Variants in PTPRT observed in about 807,000 individuals in gnomAD.
PTPRT encodes protein tyrosine phosphatase receptor type T.
Under a neutral mutation model 176.8 loss-of-function variants are expected in PTPRT, and 56 were observed. That is an observed-to-expected ratio of 0.32 (90% CI 0.26 to 0.40). The LOEUF is 0.40. Among genes scored for constraint, PTPRT ranks in the 10% least tolerant of loss-of-function variants. The pLI is 1.00. For synonymous variants in PTPRT, 783 were observed against 739.0 expected (o/e 1.06, Z -0.96); for missense variants, 1,540 against 1,908.2 (o/e 0.81, Z 3.60).
intron 1 of PTPRT, among the ~76,000 whole-genome samples, chr20:43,097,471 T>A (rs1460834172): frequency 6.6e-6 from 1 of 152,328 alleles, no homozygotes; most frequent in South Asian, 2.1e-4. Context: ...CACAAGGCAC[T>A]CATTCTATGC....
At chr20:42,115,577 T>C (rs1447631336) in intron 21 of PTPRT, among the ~76,000 whole-genome samples, 1 of 152,206 alleles carries the variant, frequency 6.6e-6, no homozygotes, top group Non-Finnish European at 1.5e-5. Context: ...AACTTTCCAA[T>C]GCATTATCAC....
At chr20:42,274,974 A>G (rs902415374) in intron 13 of PTPRT, among the ~76,000 whole-genome samples, 2 of 152,196 alleles carry the variant, frequency 1.3e-5, no homozygotes, top group African/African-American at 2.4e-5. Context: ...TCATCTGTCT[A>G]TAGTATTAAC....
rs1438615180 is a variant in PTPRT at position 42,076,797 on chromosome 20, T to A, written c.*4082A>T. 3 of 201,436 alleles carry A rather than the reference T, an allele frequency of 1.5e-5. No homozygotes were observed. The highest frequency in any genetic ancestry group is 3.1e-5 in the Non-Finnish European group (3 of 98,098). The allele number at this position is 201,436 out of a possible 1,614,324, so 12.5% of individuals were successfully genotyped here. On this transcript the variant is annotated 3_prime_UTR_variant, in exon 31 of 31. Transcript: ENST00000373187. Reference sequence around the variant, plus strand: ...AACAAGGCTAAATCAGAAAGTGGAATGCAAATTTTGCATGAATTGTGAACG... The same window carrying A: ...AACAAGGCTAAATCAGAAAGTGGAAAGCAAATTTTGCATGAATTGTGAACG...
At position 42,259,445 on chromosome 20, in the gene PTPRT, G is replaced by A. The variant is rs1010392679; in HGVS notation, c.2177-10623C>T. 9.2e-5 allele frequency among the ~76,000 whole-genome samples: 14 copies of A among 152,150 alleles called. No individual in the cohort carries two copies. The East Asian group carries it at 1.2e-3, about 13-fold the overall frequency. ...GGCATATCCTTTTAAAGGTTTCACC[G>A]TTGGTGAGCTGGAAATCCATTTATA... On this transcript the variant is annotated intron_variant, in intron 13 of 30. Transcript: ENST00000373187.
intron 1 of PTPRT, among the ~76,000 whole-genome samples, chr20:42,988,717 C>G (rs1209428675): frequency 6.6e-6 from 1 of 152,166 alleles, no homozygotes; most frequent in Admixed American, 6.5e-5. Context: ...CTGGTCAGAA[C>G]CTGTGACTGG....
At chr20:42,244,654 T>C (rs2056417242) in intron 14 of PTPRT, among the ~76,000 whole-genome samples, 1 of 152,192 alleles carries the variant, frequency 6.6e-6, no homozygotes, top group Non-Finnish European at 1.5e-5. Context: ...CTTTGAGCTT[T>C]AAGGGACCAT....
chr20:42,183,413 G>A (rs1278204548), intron 16 of PTPRT, among the ~76,000 whole-genome samples: 1 of 152,136 alleles, frequency 6.6e-6, no homozygotes, highest in African/African-American at 2.4e-5. Flanking sequence ...CATTACTGAT[G>A]TCTTTTGGAC....
At chr20:42,124,460 G>A (rs1987751906) in intron 19 of PTPRT, among the ~76,000 whole-genome samples, 1 of 152,210 alleles carries the variant, frequency 6.6e-6, no homozygotes, top group African/African-American at 2.4e-5. Flanking sequence ...TTTCGGGTGT[G>A]CAAACAAACC....
intron 27 of PTPRT, among the ~76,000 whole-genome samples, chr20:42,090,471 G>C (rs1159343750): frequency 6.6e-6 from 1 of 151,964 alleles, no homozygotes; most frequent in East Asian, 1.9e-4. Context: ...AAGCAGTGAG[G>C]TATAAAAGGC....
rs116472355 is a variant in PTPRT, at chr20:43,159,363, G to A, written c.88+30283C>T. Among the ~76,000 whole-genome samples, 1,429 of 152,306 alleles carry A rather than the reference G, an allele frequency of 9.4e-3. 26 individuals are homozygous for A. The highest frequency in any genetic ancestry group is 0.033 in the African/African-American group (1,354 of 41,552). The stretch of plus-strand genomic sequence containing the variant: ...GGTAAGGCCCAAAGGATGTGGACAG[G>A]GCACACACTGGCACCTGCTGCAGAG... On this transcript the variant is annotated intron_variant, in intron 1 of 30. Coordinates refer to ENST00000373187, the MANE Select transcript of PTPRT (RefSeq NM_007050.6).
rs183671665 is a variant in PTPRT, at chr20:42,156,920, G to T, written c.2682+4432C>A. Among the ~76,000 whole-genome samples, 73 of 152,300 alleles carry T rather than the reference G, an allele frequency of 4.8e-4. 1 individual carries two copies. The highest frequency in any genetic ancestry group is 1.6e-3 in the African/African-American group (68 of 41,566). ...AACACAGTAGCTAGAAGGAAGTAAG[G>T]TCAGATCATTAGCACTTGTCTTCTC... On this transcript the variant is annotated intron_variant, in intron 17 of 30. Coordinates refer to ENST00000373187, the MANE Select transcript of PTPRT (RefSeq NM_007050.6).
At chr20:42,038,495 G>T in the PTPRT span, among the ~76,000 whole-genome samples, 1 of 152,184 alleles carries the variant, frequency 6.6e-6, no homozygotes, top group Non-Finnish European at 1.5e-5. Flanking sequence ...GAGCAGAGTG[G>T]ACTAGGGAAG....
At chr20:42,125,733 C>T (rs1156327001) in intron 19 of PTPRT, among the ~76,000 whole-genome samples, 2 of 152,146 alleles carry the variant, frequency 1.3e-5, no homozygotes, top group Non-Finnish European at 2.9e-5. Context: ...TCGTTTGTTG[C>T]CTATAAAATA....
intron 2 of PTPRT, among the ~76,000 whole-genome samples, chr20:42,831,281 G>A (rs75132325): frequency 6.6e-6 from 1 of 152,136 alleles, no homozygotes; most frequent in Non-Finnish European, 1.5e-5. Flanking sequence ...ATGGGGAAAG[G>A]ACTCCCTGTT....
chr20:42,419,033 C>T (rs1186351981), intron 9 of PTPRT, among the ~76,000 whole-genome samples: 1 of 152,172 alleles, frequency 6.6e-6, no homozygotes, highest in Non-Finnish European at 1.5e-5. Flanking sequence ...GTTGAAGAAA[C>T]ACTGAACAAA....
intron 6 of PTPRT, among the ~76,000 whole-genome samples, chr20:42,689,923 A>G (rs1009536937): frequency 2.0e-5 from 3 of 152,296 alleles, no homozygotes; most frequent in Admixed American, 6.5e-5. Flanking sequence ...CTATAAGATC[A>G]TAAATTTGTG....
At chr20:42,047,584 A>C in the PTPRT span, among the ~76,000 whole-genome samples, 1 of 152,210 alleles carries the variant, frequency 6.6e-6, no homozygotes, top group Non-Finnish European at 1.5e-5. Flanking sequence ...GAATTTAAAT[A>C]CTGGCATTCA....
chr20:43,181,371 GT>G (rs138120631), intron 1 of PTPRT, among the ~76,000 whole-genome samples: 6,485 of 152,282 alleles, frequency 0.043, 192 homozygotes, highest in Non-Finnish European at 0.066. Context: ...TAGAACAGGA[GT>G]TGGGCCTACT....
chr20:42,874,098 C>T (rs549864589), intron 2 of PTPRT, among the ~76,000 whole-genome samples: 3 of 152,294 alleles, frequency 2.0e-5, no homozygotes, highest in Non-Finnish European at 4.4e-5. Flanking sequence ...ACGAAGACAT[C>T]GCCTAGCATC....
Sources: gnomAD v4.1 joint callset for allele counts (sites outside exome capture counted in the v4.1 genomes callset) on GRCh38, gnomAD v4.1.1 for gene constraint, MANE v1.5 for transcripts, NCBI Gene and HGNC (gene_info 2026-07-23, HGNC 2026-07-21) for gene names.